MUC12: variants seen among roughly 807,000 people sequenced by gnomAD.
MUC12 encodes mucin-12.
In MUC12, 172 loss-of-function variants were observed where a neutral mutation model predicts 230.8. The ratio of observed to expected loss-of-function variants is 0.75; its 90% confidence interval spans 0.66 to 0.85. The LOEUF (loss-of-function observed/expected upper bound fraction) is 0.85. Among genes scored for constraint, MUC12 ranks in the 40% least tolerant of loss-of-function variants. MUC12 has a pLI of 0.00. For synonymous variants in MUC12, 1,259 were observed against 2,401.9 expected, an observed-to-expected ratio of 0.52 and a Z score of 13.91; for missense variants, 3,506 against 5,920.6, an observed-to-expected ratio of 0.59 and a Z score of 13.38.
chr7:101,013,742 T>G (rs1229235537), intron 8 of MUC12, among the ~76,000 whole-genome samples, 171 bp from the exon 9 acceptor site: 3 of 152,124 alleles, frequency 2.0e-5, no homozygotes, highest in Admixed American at 6.5e-5. Context: ...CCCAACTCCC[T>G]CAGTGCCCAT....
intron 1 of MUC12, among the ~76,000 whole-genome samples, chr7:100,978,506 G>A (rs969017950): frequency 4.6e-5 from 7 of 152,154 alleles, no homozygotes; most frequent in Non-Finnish European, 7.4e-5. Flanking sequence ...AGAGAGGTTC[G>A]CTGGATTGCA....
chr7:100,977,847 C>T (rs1239461959), intron 1 of MUC12, among the ~76,000 whole-genome samples: 1 of 152,078 alleles, frequency 6.6e-6, no homozygotes, highest in Non-Finnish European at 1.5e-5. Context: ...GGATTACAAG[C>T]GTGAGCCACC....
intron 1 of MUC12, among the ~76,000 whole-genome samples, chr7:100,988,963 C>CTT (rs1223350577): frequency 1.3e-5 from 2 of 152,086 alleles, no homozygotes; most frequent in Non-Finnish European, 2.9e-5. Context: ...TCTCTCTTGC[C>CTT]TGCTGCCAAG....
chr7:100,991,773 A>C lies in MUC12; in HGVS notation c.1210A>C (p.Thr404Pro). Residue 404 changes from threonine (T) to proline (P), a missense_variant, in exon 2 of 12, where the codon ACA becomes CCA. Coordinates refer to ENST00000536621, the MANE Select transcript of MUC12 (RefSeq NM_001164462.2). ...CACAAAATCTTCAACTCCTAGCACC[A>C]CAGCTGCCCTAGCACATACAAGCTA... is the stretch of plus-strand genomic sequence containing the variant. ...THTKSSTPST[T>P]AALAHTSYHS... 1 of 1,537,946 alleles carries C rather than the reference A, an allele frequency of 6.5e-7. No individual in the cohort carries two copies. The highest frequency in any genetic ancestry group is 8.7e-7 in the Non-Finnish European group (1 of 1,147,064).
At chr7:100,969,900 AG>A (rs1210131486) in intron 1 of MUC12, among the ~76,000 whole-genome samples, 2 of 152,310 alleles carry the variant, frequency 1.3e-5, no homozygotes, top group African/African-American at 4.8e-5. Flanking sequence ...GTGGTTGTGC[AG>A]GGGATGGTCT....
chr7:100,991,964 C>A lies in MUC12; in HGVS notation c.1401C>A (p.Pro467=). The A allele has an allele frequency of 6.5e-7, 1 of 1,537,902 alleles. No homozygotes were observed. The highest frequency in any genetic ancestry group is 1.4e-5 in the African/African-American group (1 of 73,128). Residue 467 remains proline (P), a synonymous_variant, in exon 2 of 12, where the codon CCC becomes CCA. Transcript: ENST00000536621. ...CAGTTCTTGTTGGAGACTCGACGCC[C>A]TCACCCATCAGTTCAGGCTCAATGG... ...TPSVLVGDST[P]SPISSGSMET...
chr7:101,017,737 C>A, intron 11 of MUC12, 74 bp downstream of exon 11: 2 of 1,070,746 alleles, frequency 1.9e-6, no homozygotes, highest in Non-Finnish European at 2.6e-6. Context: ...TCCCCCGGGA[C>A]TCCCTTCTCC....
At chr7:100,989,692 AAGTTCAT>A (rs886815934) in intron 1 of MUC12, among the ~76,000 whole-genome samples, 4 of 131,194 alleles carry the variant, frequency 3.0e-5, no homozygotes, top group African/African-American at 5.0e-5. Flanking sequence ...CTAACAATTC[AAGTTCAT>A]TTTTTTTTTT....
chr7:100,979,547 C>G (rs554378180), intron 1 of MUC12, among the ~76,000 whole-genome samples: 1 of 152,122 alleles, frequency 6.6e-6, no homozygotes, highest in African/African-American at 2.4e-5. Context: ...TTTGGGAGAC[C>G]AAGGCAGGCA....
Position 101,004,557 on chromosome 7 carries a change from T to G in MUC12, c.13994T>G (p.Ile4665Ser), listed in dbSNP as rs776045644. Residue 4665 changes from isoleucine to serine, a missense_variant, in exon 2 of 12, where the codon ATT (isoleucine) becomes AGT (serine). Physicochemically the swap from Ile to Ser is moderately radical, Grantham distance 142. Transcript: ENST00000536621. ...PTSYHSSPGS[I>S]ATTHFPESST... Reference sequence around the variant, plus strand: ...AGCTACCACAGCAGCCCGGGCTCAATTGCAACAACACACTTTCCTGAGAGC... The same window carrying G: ...AGCTACCACAGCAGCCCGGGCTCAAGTGCAACAACACACTTTCCTGAGAGC... 2.6e-6 allele frequency: 4 copies of G among 1,533,970 alleles called. No individual in the cohort carries two copies. Among genetic ancestry groups the G allele is most frequent in the Non-Finnish European group, 3.5e-6 (4 of 1,145,834 alleles).
intron 1 of MUC12, among the ~76,000 whole-genome samples, chr7:100,979,294 T>C (rs973584274): frequency 3.3e-5 from 5 of 152,120 alleles, no homozygotes; most frequent in Non-Finnish European, 5.9e-5. Flanking sequence ...TAATGACCAG[T>C]GGCTGCAATG....
intron 11 of MUC12, among the ~76,000 whole-genome samples, 157 bp from the exon 12 acceptor site, chr7:101,018,438 G>A (rs1049140492): frequency 2.2e-4 from 1 of 4,500 alleles, no homozygotes; most frequent in Non-Finnish European, 4.7e-4. Flanking sequence ...CCCCTCCCCC[G>A]CCACTCCCTC....
intron 1 of MUC12, among the ~76,000 whole-genome samples, chr7:100,988,503 C>T (rs534687327): frequency 1.6e-4 from 25 of 152,216 alleles, no homozygotes; most frequent in African/African-American, 6.0e-4. Context: ...AATCTCTTTG[C>T]TTTATAAATG....
intron 1 of MUC12, among the ~76,000 whole-genome samples, chr7:100,978,736 C>A (rs1316537995): frequency 6.6e-6 from 1 of 152,134 alleles, no homozygotes; most frequent in Non-Finnish European, 1.5e-5. Flanking sequence ...CCTTGAAGAA[C>A]CTTCTAATGT....
At position 101,017,191 on chromosome 7, in the gene MUC12, C is replaced by CT. The variant is rs141463889; in HGVS notation, c.15878-378dup. 1,107 of 174,780 alleles carry CT rather than the reference C, an allele frequency of 6.3e-3. 17 individuals are homozygous for CT. The highest frequency in any genetic ancestry group is 0.024 in the African/African-American group (1,034 of 42,220). The allele number at this position is 174,780 out of a possible 1,614,324, so 10.8% of individuals were successfully genotyped here. ...TGCTGGAAGAAGATTCCAGACGCAG[C>CT]TTTTTTGCCTGCTATGGTTACCGTT... is the stretch of plus-strand genomic sequence containing the variant. On this transcript the variant is annotated intron_variant, in intron 10 of 11. Coordinates refer to ENST00000536621, the MANE Select transcript of MUC12 (RefSeq NM_001164462.2).
rs1316242203 is a variant in MUC12 at position 101,004,607 on chromosome 7, GA to G, written c.14046del (p.Glu4682AspfsTer44). On this transcript the variant is annotated frameshift_variant, in exon 2 of 12. Coordinates refer to ENST00000536621, the MANE Select transcript of MUC12 (RefSeq NM_001164462.2). LOFTEE classifies it high-confidence loss of function. Reference sequence around the variant, plus strand: ...CTCCACAACCTCCGGCCGTAGTGAGGAATCAACAGCATCCCACAGCAGCCCA... The same window carrying G: ...CTCCACAACCTCCGGCCGTAGTGAGGATCAACAGCATCCCACAGCAGCCCA... ...ESSTTSGRSE[E>X]STASHSSPDT... 1 of 1,536,714 alleles carries G rather than the reference GA, an allele frequency of 6.5e-7. No individual in the cohort carries two copies. The highest frequency in any genetic ancestry group is 8.7e-7 in the Non-Finnish European group (1 of 1,146,158).
intron 1 of MUC12, 191 bp from the exon 2 acceptor site, chr7:100,990,440 C>A (rs1377346275): frequency 4.4e-6 from 3 of 675,986 alleles, no homozygotes; most frequent in South Asian, 1.9e-5. Flanking sequence ...CTAGTCTACA[C>A]CATCAATAAA....
chr7:100,989,851 T>G (rs1284756574), intron 1 of MUC12, among the ~76,000 whole-genome samples: 1 of 152,138 alleles, frequency 6.6e-6, no homozygotes, highest in Non-Finnish European at 1.5e-5. Context: ...CCACCACACC[T>G]GGCTAATTTT....
rs1198930934 is a variant in MUC12 at position 100,995,434 on chromosome 7, C to G, written c.4871C>G (p.Thr1624Arg). ...TDTTLSPGSTTASSLGPESTT... is the reference protein window; with the variant it reads ...TDTTLSPGSTRASSLGPESTT... The stretch of plus-strand genomic sequence containing the variant: ...ACAACATTGTCCCCTGGCAGTACCA[C>G]AGCATCATCCCTTGGTCCAGAATCT... The change falls in exon 2 of 12, where the codon ACA becomes AGA. Residue 1624 changes from threonine (T) to arginine (R), a missense_variant. Transcript: ENST00000536621. The G allele has an allele frequency of 3.3e-6, 5 of 1,533,814 alleles. No individual in the cohort carries two copies. Among genetic ancestry groups the G allele is most frequent in the East Asian group, 2.4e-5 (1 of 40,912 alleles).
Sources: allele counts gnomAD v4.1 joint callset (sites outside exome capture counted in the v4.1 genomes callset), GRCh38; gene constraint gnomAD v4.1.1; transcripts MANE v1.5; gene names NCBI Gene and HGNC (gene_info 2026-07-23, HGNC 2026-07-21).